The following MEF2A variants were observed in gnomAD, a reference collection of about 807,000 sequenced individuals.
MEF2A encodes myocyte enhancer factor 2A, also known as myocyte-specific enhancer factor 2A.
Under a neutral mutation model 55.8 loss-of-function variants are expected in MEF2A, and 28 were observed. The ratio of observed to expected loss-of-function variants is 0.50; its 90% CI spans 0.37 to 0.69. MEF2A has a LOEUF of 0.69. Ranked by LOEUF, MEF2A falls within the 30% of genes least tolerant of loss-of-function variation. The probability of loss-of-function intolerance (pLI) is 0.00; values close to 1 mark genes in which losing one functional copy is unlikely to be tolerated. For missense variants in MEF2A, 528 were observed against 626.2 expected (o/e 0.84, Z 1.67); for synonymous variants, 239 against 227.1 (o/e 1.05, Z -0.47).
intron 1 of MEF2A, among the ~76,000 whole-genome samples, chr15:99,585,205 T>G (rs1416917522): frequency 6.6e-6 from 1 of 152,174 alleles, no homozygotes; most frequent in Non-Finnish European, 1.5e-5. Context: ...GCTTTCCTAT[T>G]TTCAGGGTTA....
At chr15:99,654,545 T>A (rs1057290491) in intron 4 of MEF2A, among the ~76,000 whole-genome samples, 105 of 133,124 alleles carry the variant, frequency 7.9e-4, no homozygotes, top group African/African-American at 2.6e-3. Flanking sequence ...TCTCAAAAAA[T>A]AAATAAATAA....
intron 3 of MEF2A, among the ~76,000 whole-genome samples, chr15:99,645,300 TCA>T (rs1406015511): frequency 6.6e-6 from 1 of 152,186 alleles, no homozygotes; most frequent in Non-Finnish European, 1.5e-5. Flanking sequence ...CTGTGGTGCT[TCA>T]CCCTCTGTAG....
chr15:99,677,325 G>GTT lies in MEF2A; in HGVS notation c.670+1869_670+1870dup, dbSNP rs537381628. ...CAGACTTTGACTTTAATATAACAGT[G>GTT]TTTACTGTGTTCAAGGGTATTTAAA... On this transcript the variant is annotated intron_variant, in intron 7 of 11. Coordinates refer to ENST00000557942, the MANE Select transcript of MEF2A (RefSeq NM_001319206.4). 2.7e-3 allele frequency among the ~76,000 whole-genome samples: 405 copies of GTT among 152,034 alleles called. 3 individuals carry two copies. Among genetic ancestry groups the GTT allele is most frequent in the Non-Finnish European group, 2.4e-3 (160 of 67,974 alleles).
chr15:99,568,055 G>GC (rs1960510465), intron 1 of MEF2A, among the ~76,000 whole-genome samples: 1 of 152,064 alleles, frequency 6.6e-6, no homozygotes, highest in Non-Finnish European at 1.5e-5. Flanking sequence ...CTCTCTAAAC[G>GC]CAATTATTTG....
intron 2 of MEF2A, among the ~76,000 whole-genome samples, chr15:99,604,608 T>C (rs1974395756): frequency 6.6e-6 from 1 of 152,130 alleles, no homozygotes; most frequent in Non-Finnish European, 1.5e-5. Context: ...TCATATTGAT[T>C]GACTTTTATT....
At chr15:99,592,130 T>A (rs967666062) in intron 1 of MEF2A, among the ~76,000 whole-genome samples, 1 of 152,110 alleles carries the variant, frequency 6.6e-6, no homozygotes, top group Non-Finnish European at 1.5e-5. Context: ...ATGAACCTTT[T>A]GAGCTTGCTT....
At chr15:99,706,283 C>T (rs1018664915) in intron 9 of MEF2A, among the ~76,000 whole-genome samples, 17 of 152,248 alleles carry the variant, frequency 1.1e-4, no homozygotes, top group African/African-American at 3.9e-4. Flanking sequence ...ACCGTGTTAA[C>T]ACGTAAATAA....
chr15:99,643,592 A>AT (rs551157873), intron 3 of MEF2A, among the ~76,000 whole-genome samples: 1,551 of 139,660 alleles, frequency 0.011, 30 homozygotes, highest in African/African-American at 0.031. Flanking sequence ...TATATTGAGA[A>AT]TTTTTTTTTT....
Position 99,713,751 on chromosome 15 carries a change from A to C in MEF2A, c.*980A>C, listed in dbSNP as rs2058887057. 6.6e-6 allele frequency: 1 copy of C among 152,054 alleles called. No individual in the cohort carries two copies. The highest frequency in any genetic ancestry group is 2.1e-4 in the South Asian group (1 of 4,834). 9.4% of individuals were successfully genotyped at this position (152,054 alleles called of 1,614,324 possible). On this transcript the variant is annotated 3_prime_UTR_variant, in exon 12 of 12. Coordinates refer to ENST00000557942, the MANE Select transcript of MEF2A (RefSeq NM_001319206.4). ...TTTAACTCTTTAGTTTTATTTTAAG[A>C]GGGGAAAACAAAAATATCTTGCAAG... is the stretch of plus-strand genomic sequence containing the variant.
chr15:99,714,433 C>T lies in MEF2A; in HGVS notation c.*1662C>T, dbSNP rs2058957719. On this transcript the variant is annotated 3_prime_UTR_variant, in exon 12 of 12. Transcript: ENST00000557942. ...TTGACCCTCTGAAAACAGAACGATGCAGCTGGTTACAAAATCCTACCGTTA... is the reference window on the plus strand; with the variant it reads ...TTGACCCTCTGAAAACAGAACGATGTAGCTGGTTACAAAATCCTACCGTTA... The T allele has an allele frequency of 6.6e-6, 1 of 152,148 alleles. No individual in the cohort carries two copies. The highest frequency in any genetic ancestry group is 2.4e-5 in the African/African-American group (1 of 41,420). 9.4% of individuals were successfully genotyped at this position (152,148 alleles called of 1,614,324 possible). A position where few individuals can be genotyped will look rare whatever the true frequency, so the allele number is the denominator to read the frequency against.
At chr15:99,674,180 G>A (rs2051433276) in intron 5 of MEF2A, among the ~76,000 whole-genome samples, 1 of 152,092 alleles carries the variant, frequency 6.6e-6, no homozygotes, top group African/African-American at 2.4e-5. Flanking sequence ...ATATATTAAT[G>A]TATAAAGTTG....
chr15:99,604,359 A>T (rs1242477220), intron 2 of MEF2A, among the ~76,000 whole-genome samples: 1 of 151,896 alleles, frequency 6.6e-6, no homozygotes, highest in Non-Finnish European at 1.5e-5. Context: ...TCTGTGCTTT[A>T]TTGGTTGGTT....
chr15:99,702,517 G>A (rs1386833476), intron 8 of MEF2A, among the ~76,000 whole-genome samples: 2 of 144,460 alleles, frequency 1.4e-5, no homozygotes, highest in African/African-American at 2.6e-5. Context: ...AACCTCTGCC[G>A]CCCGGGTTCA....
chr15:99,670,652 A>C (rs1488133590), intron 4 of MEF2A, among the ~76,000 whole-genome samples: 2 of 152,204 alleles, frequency 1.3e-5, no homozygotes, highest in Non-Finnish European at 2.9e-5. Flanking sequence ...CCAGAAAGTC[A>C]AATCAGTGGA....
At chr15:99,688,471 A>G (rs961719349) in intron 7 of MEF2A, among the ~76,000 whole-genome samples, 1 of 152,170 alleles carries the variant, frequency 6.6e-6, no homozygotes, top group African/African-American at 2.4e-5. Flanking sequence ...ACTTAATAAA[A>G]TGCTGGCCGG....
Position 99,659,109 on chromosome 15 carries a change from C to T in MEF2A, c.259-12214C>T, listed in dbSNP as rs1044246362. 4.1e-4 allele frequency among the ~76,000 whole-genome samples: 62 copies of T among 152,116 alleles called. 1 individual carries two copies. Among genetic ancestry groups the T allele is most frequent in the Admixed American group, 4.0e-3 (61 of 15,272 alleles). On this transcript the variant is annotated intron_variant, in intron 4 of 11. Transcript: ENST00000557942. ...AAGCTCCAGGACTTTTGAAGATAGA[C>T]TTTCTTGTCTGTGGTGCACTGAGAA...
At chr15:99,633,416 C>T (rs1237967796) in intron 3 of MEF2A, among the ~76,000 whole-genome samples, 2 of 152,028 alleles carry the variant, frequency 1.3e-5, no homozygotes. Context: ...TCACCACAAT[C>T]CCCACCATTA....
intron 2 of MEF2A, among the ~76,000 whole-genome samples, chr15:99,622,952 G>A (rs1322878303): frequency 6.6e-6 from 1 of 151,718 alleles, no homozygotes; most frequent in African/African-American, 2.4e-5. Flanking sequence ...CACCCGCCTC[G>A]GCCTCCCAAA....
chr15:99,698,932 G>C (rs1402107906), intron 8 of MEF2A, among the ~76,000 whole-genome samples: 1 of 151,626 alleles, frequency 6.6e-6, no homozygotes, highest in Non-Finnish European at 1.5e-5. Flanking sequence ...ATATACACTT[G>C]CTGGCCAGGC....
Sources: gnomAD v4.1 joint callset for allele counts (sites outside exome capture counted in the v4.1 genomes callset) on GRCh38, gnomAD v4.1.1 for gene constraint, MANE v1.5 for transcripts, NCBI Gene and HGNC (gene_info 2026-07-23, HGNC 2026-07-21) for gene names.